SMC2: variants seen among roughly 807,000 people sequenced by gnomAD.
The protein encoded by SMC2 is structural maintenance of chromosomes protein 2.
A neutral mutation model predicts 142.6 loss-of-function variants in SMC2; 41 were observed. That is an observed-to-expected ratio of 0.29 (90% CI 0.22 to 0.37). SMC2 has a LOEUF of 0.37. Ranked by LOEUF, SMC2 falls within the 10% of genes least tolerant of loss-of-function variation. The pLI is 1.00. For missense variants in SMC2, 1,265 were observed against 1,373.7 expected (o/e 0.92, Z 1.25); for synonymous variants, 463 against 457.5 (o/e 1.01, Z -0.15).
intron 11 of SMC2, 132 bp downstream of exon 11, chr9:104,113,607 G>A (rs540320351): frequency 1.3e-5 from 9 of 669,596 alleles, no homozygotes; most frequent in Non-Finnish European, 2.1e-5. Flanking sequence ...TATAAGAAGT[G>A]TTGTAAATAT....
At chr9:104,120,472 C>T (rs16923683) in intron 16 of SMC2, among the ~76,000 whole-genome samples, 8,633 of 152,244 alleles carry the variant, frequency 0.057, 657 homozygotes, top group African/African-American at 0.18. Context: ...AACCCTTCGA[C>T]ACTCTGGCGT....
chr9:104,114,120 TCAAGA>T, intron 12 of SMC2, 39 bp downstream of exon 12: 1 of 1,210,288 alleles, frequency 8.3e-7, no homozygotes, highest in East Asian at 2.6e-5. Flanking sequence ...ATAGTAATAA[TCAAGA>T]CATTTTTATT....
At position 104,094,344 on chromosome 9, in the gene SMC2, C is replaced by A. The variant is rs529373284; in HGVS notation, c.-195C>A. On this transcript the variant is annotated 5_prime_UTR_variant, in exon 1 of 25. Coordinates refer to ENST00000374793, the MANE Select transcript of SMC2 (RefSeq NM_006444.3). ...ATAGTTCCGGCGCGGGTGTTGAGAG[C>A]GGTGTGGCAGGTGTTGTAGCCGCTA... The A allele has an allele frequency of 1.3e-5, 5 of 398,762 alleles. No individual in the cohort carries two copies. In the South Asian group the frequency reaches 5.1e-4, roughly 41 times the overall value. 24.7% of individuals were successfully genotyped at this position (398,762 alleles called of 1,614,324 possible). A position where few individuals can be genotyped will look rare whatever the true frequency, so the allele number is the denominator to read the frequency against.
chr9:104,125,409 C>CA (rs1012603056), intron 18 of SMC2, among the ~76,000 whole-genome samples: 130 of 148,424 alleles, frequency 8.8e-4, no homozygotes, highest in East Asian at 3.9e-3. Context: ...TTCCAAAATC[C>CA]AAAAAAAAAA....
chr9:104,134,617 T>G, intron 23 of SMC2, 42 bp downstream of exon 23: 15 of 940,532 alleles, frequency 1.6e-5, no homozygotes, highest in Non-Finnish European at 2.3e-5. Flanking sequence ...CATTCCTCTT[T>G]ATTATAATTC....
chr9:104,134,719 A>C, intron 23 of SMC2, 144 bp downstream of exon 23: 1 of 486,760 alleles, frequency 2.1e-6, no homozygotes, highest in South Asian at 5.9e-5. Flanking sequence ...AATTTGGTTA[A>C]AACATTTGAT....
chr9:104,090,933 G>T (rs1183648476), upstream of SMC2, among the ~76,000 whole-genome samples: 1 of 152,092 alleles, frequency 6.6e-6, no homozygotes, highest in Non-Finnish European at 1.5e-5. Context: ...AATTCACAAA[G>T]AACCAAACAG....
chr9:104,099,530 C>CA (rs1234658157), intron 4 of SMC2, 114 bp from the exon 5 acceptor site: 2 of 667,500 alleles, frequency 3.0e-6, no homozygotes, highest in African/African-American at 3.8e-5. Flanking sequence ...AAGACCCCCC[C>CA]AAAGATTGGT....
chr9:104,113,250 G>C, intron 10 of SMC2, 66 bp from the exon 11 acceptor site: 3 of 1,212,042 alleles, frequency 2.5e-6, no homozygotes, highest in South Asian at 3.8e-5. Flanking sequence ...CTGAATCTTC[G>C]GCCATTTAAT....
At chr9:104,123,690 G>T (rs77346785) in intron 17 of SMC2, among the ~76,000 whole-genome samples, 8,620 of 152,034 alleles carry the variant, frequency 0.057, 654 homozygotes, top group African/African-American at 0.18. Context: ...CTGTTCTCAT[G>T]CTTAAGAGTC....
intron 3 of SMC2, among the ~76,000 whole-genome samples, chr9:104,098,111 A>G (rs756109445): frequency 6.6e-6 from 1 of 152,252 alleles, no homozygotes; most frequent in Non-Finnish European, 1.5e-5. Flanking sequence ...CTCTAGAAAA[A>G]TTACAGAAAG....
intron 23 of SMC2, chr9:104,135,949 A>G (rs1588009405): frequency 1.9e-6 from 1 of 518,208 alleles, no homozygotes; most frequent in Non-Finnish European, 3.9e-6. Flanking sequence ...CCTTGGATCT[A>G]CATAAAGGAA....
rs889272768 is a variant in SMC2 at position 104,100,382 on chromosome 9, T to C, written c.592-7T>C. ...TGCGAAAATACTGATTTTTCTTTAT[T>C]TTCCAGATACTTGAAGAAGAGATTA... On this transcript the variant is annotated splice_polypyrimidine_tract_variant and splice_region_variant and intron_variant, in intron 6 of 24. Coordinates refer to ENST00000374793, the MANE Select transcript of SMC2 (RefSeq NM_006444.3). The C allele has an allele frequency of 6.6e-6, 10 of 1,523,186 alleles. No individual in the cohort carries two copies. The highest frequency in any genetic ancestry group is 1.1e-5 in the South Asian group (1 of 87,142). The allele number at this position is 1,523,186 out of a possible 1,614,324, so 94.4% of individuals were successfully genotyped here. A position where few individuals can be genotyped will look rare whatever the true frequency, so the allele number is the denominator to read the frequency against.
In SMC2 at chr9:104,139,303, T is replaced by C. The variant is rs746140818; in HGVS notation, c.3582T>C (p.His1194=). The C allele has an allele frequency of 7.0e-6, 11 of 1,582,062 alleles. No homozygotes were observed. Among genetic ancestry groups the C allele is most frequent in the African/African-American group, 1.4e-5 (1 of 72,308 alleles). The part of the protein sequence containing the change: ...KSKAKPPKGA[H]VEV ...AGGCAAAACCACCCAAAGGAGCACA[T>C]GTGGAAGTTTAAACTACAAAGTTAT... Residue 1194 remains histidine, a synonymous_variant, in exon 25 of 25, where the codon CAT becomes CAC. Coordinates refer to ENST00000374793, the MANE Select transcript of SMC2 (RefSeq NM_006444.3).
At chr9:104,088,868 C>A in the SMC2 span, among the ~76,000 whole-genome samples, 2 of 152,032 alleles carry the variant, frequency 1.3e-5, no homozygotes, top group African/African-American at 4.8e-5. Flanking sequence ...CAATTCTTGG[C>A]ACAATGCAGG....
intron 16 of SMC2, among the ~76,000 whole-genome samples, chr9:104,122,395 A>C (rs1833833555): frequency 6.6e-6 from 1 of 152,158 alleles, no homozygotes; most frequent in Non-Finnish European, 1.5e-5. Context: ...TGAAGTTAAA[A>C]TTATTGTTTT....
At chr9:104,138,483 C>T (rs1247131196) in intron 24 of SMC2, among the ~76,000 whole-genome samples, 5 of 152,074 alleles carry the variant, frequency 3.3e-5, no homozygotes, top group Non-Finnish European at 7.4e-5. Flanking sequence ...ACAATCAAAA[C>T]AAAACTGTCT....
In SMC2 at chr9:104,134,424, G is replaced by T. The variant is rs774227464; in HGVS notation, c.3118G>T (p.Asp1040Tyr). 1.3e-6 allele frequency: 2 copies of T among 1,581,152 alleles called. No homozygotes were observed. Among genetic ancestry groups the T allele is most frequent in the South Asian group, 1.2e-5 (1 of 85,056 alleles). The change falls in exon 23 of 25, where the codon GAC becomes TAC. Residue 1040 changes from aspartate (D) to tyrosine (Y), a missense_variant. Asp to Tyr is a radical substitution (Grantham distance 160, BLOSUM62 -3). This residue lies in a region of SMC2 where 192 missense variants were observed against 261.9 expected (regional missense o/e 0.73). Transcript: ENST00000374793. ...TATTTTTTAAATCCAGGTGAACAAG[G>T]ACTTTGGGTCTATTTTTTCTACTCT... ...LNIAWQKVNK[D>Y]FGSIFSTLLP...
At chr9:104,103,342 A>G (rs563969039) in intron 9 of SMC2, among the ~76,000 whole-genome samples, 1 of 152,318 alleles carries the variant, frequency 6.6e-6, no homozygotes, top group South Asian at 2.1e-4. Flanking sequence ...GTGAATATAG[A>G]TAACTTTTTG....
Sources: gnomAD v4.1 joint callset for allele counts (sites outside exome capture counted in the v4.1 genomes callset) on GRCh38, gnomAD v4.1.1 for gene constraint, gnomAD v4.1.1 regional missense constraint, MANE v1.5 for transcripts, NCBI Gene and HGNC (gene_info 2026-07-23, HGNC 2026-07-21) for gene names.